PDE8B: variants seen among roughly 807,000 people sequenced by gnomAD.
PDE8B encodes the protein high affinity cAMP-specific and IBMX-insensitive 3',5'-cyclic phosphodiesterase 8B.
PDE8B carries 26 observed loss-of-function variants against 101.3 expected under a neutral mutation model. The ratio of observed to expected loss-of-function variants is 0.26; its 90% CI spans 0.19 to 0.36. PDE8B has a LOEUF of 0.36. Among genes scored for constraint, PDE8B ranks in the 10% least tolerant of loss-of-function variants. PDE8B has a pLI of 1.00. For missense variants in PDE8B, 810 were observed against 1,163.1 expected (o/e 0.70, Z 4.42); for synonymous variants, 424 against 429.3 (o/e 0.99, Z 0.15).
chr5:77,094,684 G>C, the PDE8B span, among the ~76,000 whole-genome samples: 1 of 152,116 alleles, frequency 6.6e-6, no homozygotes, highest in South Asian at 2.1e-4. Context: ...AGTTCTGCAG[G>C]CTGTACAAGT....
chr5:77,167,581 C>G, the PDE8B span, among the ~76,000 whole-genome samples: 68 of 152,306 alleles, frequency 4.5e-4, no homozygotes, highest in African/African-American at 1.5e-3. Context: ...CTGCCCCTTC[C>G]TGTGCAAGGG....
the PDE8B span, among the ~76,000 whole-genome samples, chr5:77,204,176 G>A: frequency 6.6e-6 from 1 of 151,168 alleles, no homozygotes; most frequent in African/African-American, 2.4e-5. Flanking sequence ...TTAGGAGGCT[G>A]AGGCAGGCAG....
At chr5:77,104,048 T>C in the PDE8B span, among the ~76,000 whole-genome samples, 2 of 152,226 alleles carry the variant, frequency 1.3e-5, no homozygotes, top group African/African-American at 4.8e-5. Context: ...GGAAGCCTGG[T>C]GGCTGAGGAC....
the PDE8B span, among the ~76,000 whole-genome samples, chr5:77,167,758 G>A: frequency 6.6e-6 from 1 of 152,122 alleles, no homozygotes; most frequent in Non-Finnish European, 1.5e-5. Context: ...TGAGTAGAAC[G>A]GATTGTGACA....
chr5:77,366,320 C>G (rs1258841868), intron 10 of PDE8B, among the ~76,000 whole-genome samples: 1 of 152,232 alleles, frequency 6.6e-6, no homozygotes, highest in East Asian at 1.9e-4. Flanking sequence ...CCTGTCACTA[C>G]TGGGCTCTCA....
chr5:77,426,507 C>G lies in PDE8B; in HGVS notation c.2611C>G (p.Leu871Val), dbSNP rs1798177740. Residue 871 changes from leucine (L) to valine (V), a missense_variant, in exon 22 of 22, where the codon CTA (leucine) becomes GTA (valine). By Grantham distance (32) the Leu-to-Val change is conservative. Transcript: ENST00000264917. ...LADNYKHWKT[L>V]DDLKCKSLRL... ...TGACAACTACAAACACTGGAAGACA[C>G]TAGATGACCTAAAGTGCAAAAGTTT... 6.2e-7 allele frequency: 1 copy of G among 1,613,592 alleles called. No homozygotes were observed. Among genetic ancestry groups the G allele is most frequent in the Non-Finnish European group, 8.5e-7 (1 of 1,179,640 alleles).
intron 2 of PDE8B, among the ~76,000 whole-genome samples, chr5:77,324,125 T>C (rs899585701): frequency 2.0e-5 from 3 of 152,192 alleles, no homozygotes; most frequent in Non-Finnish European, 4.4e-5. Context: ...ACCCTTCTAT[T>C]GTTAATTATT....
intron 1 of PDE8B, among the ~76,000 whole-genome samples, chr5:77,230,449 C>T (rs6871708): frequency 0.13 from 20,238 of 152,176 alleles, 1,916 homozygotes; most frequent in East Asian, 0.5. Context: ...GGGGTCTGCC[C>T]AGCCTGTGCA....
At chr5:77,426,320 A>G in intron 21 of PDE8B, 125 bp from the exon 22 acceptor site, 1 of 718,668 alleles carries the variant, frequency 1.4e-6, no homozygotes, top group Non-Finnish European at 2.6e-6. Flanking sequence ...ACTTGTCCTC[A>G]TGCTTCGCCC....
chr5:77,387,066 G>A lies in PDE8B; in HGVS notation c.1168-13182G>A, dbSNP rs545364003. Among the ~76,000 whole-genome samples the A allele has an allele frequency of 7.3e-5, 11 of 150,958 alleles. No homozygotes were observed. The East Asian group carries it at 1.8e-3, about 24-fold the overall frequency. Reference sequence around the variant, plus strand: ...GCCCGGCTAATTTTTTGTATTTTTAGTAGAGACGGGGTTTCACCTTGTTAG... The same window carrying A: ...GCCCGGCTAATTTTTTGTATTTTTAATAGAGACGGGGTTTCACCTTGTTAG... On this transcript the variant is annotated intron_variant, in intron 10 of 21. Transcript: ENST00000264917.
At chr5:77,133,631 G>C in the PDE8B span, among the ~76,000 whole-genome samples, 1 of 152,286 alleles carries the variant, frequency 6.6e-6, no homozygotes, top group African/African-American at 2.4e-5. Context: ...GCAGGGATGA[G>C]ACATTTTCTA....
At chr5:77,201,689 T>C in the PDE8B span, among the ~76,000 whole-genome samples, 2 of 152,200 alleles carry the variant, frequency 1.3e-5, no homozygotes, top group Non-Finnish European at 2.9e-5. Flanking sequence ...TGGCTCCTTA[T>C]CTAATCAGGC....
intron 6 of PDE8B, among the ~76,000 whole-genome samples, chr5:77,338,625 C>G (rs1455732579): frequency 6.6e-6 from 1 of 152,144 alleles, no homozygotes; most frequent in Non-Finnish European, 1.5e-5. Context: ...CCCATGTTGC[C>G]TGTACTTCTG....
At chr5:77,290,432 C>T in intron 1 of PDE8B, 1 of 1,443,650 alleles carries the variant, frequency 6.9e-7, no homozygotes, top group Admixed American at 1.7e-5. Flanking sequence ...TCCGACAGGC[C>T]AGTGTGGCAG....
chr5:77,335,072 A>G (rs534551708), intron 5 of PDE8B, among the ~76,000 whole-genome samples: 4 of 152,344 alleles, frequency 2.6e-5, no homozygotes, highest in African/African-American at 9.6e-5. Context: ...CATGTTTGTT[A>G]TAGAAAATAC....
chr5:77,401,135 G>A (rs928838641), intron 11 of PDE8B, among the ~76,000 whole-genome samples: 35 of 152,254 alleles, frequency 2.3e-4, no homozygotes, highest in Admixed American at 6.5e-4. Flanking sequence ...GATTAAAGAA[G>A]GAAATGTATA....
At chr5:77,411,646 T>A in intron 14 of PDE8B, 30 bp from the exon 15 acceptor site, 1 of 1,574,312 alleles carries the variant, frequency 6.4e-7, no homozygotes, top group Non-Finnish European at 8.7e-7. Context: ...ATATAAAGCA[T>A]GCTTCTAACA....
At chr5:77,381,211 T>G (rs1202141098) in intron 10 of PDE8B, among the ~76,000 whole-genome samples, 1 of 152,178 alleles carries the variant, frequency 6.6e-6, no homozygotes, top group South Asian at 2.1e-4. Context: ...ATACATAGTT[T>G]GCAAGCTTAC....
At chr5:77,306,859 AGC>A (rs1242209248) in intron 1 of PDE8B, among the ~76,000 whole-genome samples, 9 of 152,148 alleles carry the variant, frequency 5.9e-5, no homozygotes, top group African/African-American at 1.7e-4. Flanking sequence ...ATTGAAGTGA[AGC>A]CAAGCTGAGT....
Sources: allele counts gnomAD v4.1 joint callset (sites outside exome capture counted in the v4.1 genomes callset), GRCh38; gene constraint gnomAD v4.1.1; transcripts MANE v1.5; gene names NCBI Gene and HGNC (gene_info 2026-07-23, HGNC 2026-07-21).